The following HNRNPF variants were observed in gnomAD, a reference collection of about 807,000 sequenced individuals.
HNRNPF encodes heterogeneous nuclear ribonucleoprotein F.
In HNRNPF, 2 loss-of-function variants were observed where a neutral mutation model predicts 26.0. The ratio of observed to expected loss-of-function variants is 0.08; its 90% CI spans 0.03 to 0.24. HNRNPF has a LOEUF of 0.24. Among genes scored for constraint, HNRNPF ranks in the 10% least tolerant of loss-of-function variants. The pLI, the probability that HNRNPF is intolerant of heterozygous loss-of-function variation, is 1.00. For missense variants in HNRNPF, 299 were observed against 539.2 expected, an observed-to-expected ratio of 0.55 and a Z score of 4.41; for synonymous variants, 234 against 211.5, an observed-to-expected ratio of 1.11 and a Z score of -0.92.
intron 3 of HNRNPF, among the ~76,000 whole-genome samples, chr10:43,390,675 G>C (rs1838207859): frequency 6.6e-6 from 1 of 152,080 alleles, no homozygotes; most frequent in African/African-American, 2.4e-5. Flanking sequence ...CTTCTTAACT[G>C]TACGCGCCCA....
chr10:43,407,853 A>G (rs1378224503), intron 1 of HNRNPF: 2 of 152,194 alleles, frequency 1.3e-5, no homozygotes, highest in African/African-American at 2.4e-5. Context: ...ACTCCCCACA[A>G]GGAAGTCTTG....
chr10:43,396,001 G>A (rs765422935), intron 2 of HNRNPF, among the ~76,000 whole-genome samples: 64 of 152,146 alleles, frequency 4.2e-4, no homozygotes, highest in Non-Finnish European at 7.2e-4. Flanking sequence ...GGACCCGGAG[G>A]TTTTCAGATC....
intron 1 of HNRNPF, among the ~76,000 whole-genome samples, chr10:43,401,404 C>T (rs1284247477): frequency 6.6e-6 from 1 of 152,046 alleles, no homozygotes; most frequent in Admixed American, 6.6e-5. Flanking sequence ...AAATTCTGAC[C>T]GATCATAAAA....
intron 3 of HNRNPF, among the ~76,000 whole-genome samples, chr10:43,389,310 A>G (rs1838153512): frequency 2.0e-5 from 3 of 152,274 alleles, no homozygotes; most frequent in South Asian, 2.1e-4. Flanking sequence ...TACATCAAGC[A>G]TAATAGATAT....
intron 1 of HNRNPF, chr10:43,408,902 G>T (rs553241262): frequency 1.5e-4 from 23 of 152,444 alleles, no homozygotes; most frequent in African/African-American, 5.0e-4. Flanking sequence ...AGCCTACGAG[G>T]GGCGGGGTCA....
chr10:43,407,639 CAA>C (rs1264694106), intron 1 of HNRNPF: 1 of 145,822 alleles, frequency 6.9e-6, no homozygotes, highest in African/African-American at 2.8e-5. Context: ...TACAAACAAA[CAA>C]AAGGAAAAAA....
intron 1 of HNRNPF, among the ~76,000 whole-genome samples, chr10:43,405,210 AATC>A (rs1197615291): frequency 6.6e-6 from 1 of 152,250 alleles, no homozygotes; most frequent in Non-Finnish European, 1.5e-5. Flanking sequence ...TAATACAATG[AATC>A]ATGTTTCCTT....
At position 43,387,558 on chromosome 10, in the gene HNRNPF, G is replaced by C; in HGVS notation, c.327C>G (p.Asn109Lys). 5.0e-6 allele frequency: 8 copies of C among 1,614,162 alleles called. No homozygotes were observed. Among genetic ancestry groups the C allele is most frequent in the Non-Finnish European group, 6.8e-6 (8 of 1,180,020 alleles). ...HSGPNSADSA[N>K]DGFVRLRGLP... ...GTCCTCGAAGCCGCACGAAGCCATCGTTGGCGCTGTCGGCACTGTTGGGAC... is the reference window on the plus strand; with the variant it reads ...GTCCTCGAAGCCGCACGAAGCCATCCTTGGCGCTGTCGGCACTGTTGGGAC... Residue 109 changes from asparagine (N) to lysine (K), a missense_variant, in exon 4 of 4, where the codon AAC (asparagine) becomes AAG (lysine). Coordinates refer to ENST00000682386, the MANE Select transcript of HNRNPF (RefSeq NM_001098204.2). The surrounding 1 kb of genome is among the most constrained non-coding windows in gnomAD (Gnocchi z 6.0).
chr10:43,400,054 A>T (rs1838704876), intron 1 of HNRNPF, among the ~76,000 whole-genome samples: 1 of 152,188 alleles, frequency 6.6e-6, no homozygotes, highest in Non-Finnish European at 1.5e-5. Flanking sequence ...TGAGGTTTAA[A>T]GTAGAAGCTG....
chr10:43,399,538 G>C (rs1564398079), intron 1 of HNRNPF, among the ~76,000 whole-genome samples: 1 of 152,160 alleles, frequency 6.6e-6, no homozygotes, highest in African/African-American at 2.4e-5. Context: ...GGCCTGGTTT[G>C]GTGTTCAAAG....
chr10:43,393,770 T>G (rs1050092710), intron 3 of HNRNPF, among the ~76,000 whole-genome samples: 6 of 152,066 alleles, frequency 3.9e-5, no homozygotes, highest in African/African-American at 1.4e-4. Context: ...CCTTGCAACT[T>G]TTGCCTGCAA....
intron 1 of HNRNPF, among the ~76,000 whole-genome samples, chr10:43,399,319 C>T (rs1330765548): frequency 1.3e-5 from 2 of 152,224 alleles, no homozygotes; most frequent in African/African-American, 4.8e-5. Context: ...AACTCCTGGG[C>T]TCAACTGATC....
At chr10:43,408,505 T>G (rs573577729) in intron 1 of HNRNPF, among the ~76,000 whole-genome samples, 1 of 152,252 alleles carries the variant, frequency 6.6e-6, no homozygotes, top group African/African-American at 2.4e-5. Flanking sequence ...TTGCGGCGCT[T>G]AAACTCAGAT....
At position 43,399,639 on chromosome 10, in the gene HNRNPF, G is replaced by A. The variant is rs1004317154; in HGVS notation, c.-246-3049C>T. 3.3e-5 allele frequency among the ~76,000 whole-genome samples: 5 copies of A among 152,162 alleles called. No individual in the cohort carries two copies. In the South Asian group the frequency reaches 8.3e-4, roughly 25 times the overall value. ...AGATGCTATCTGGAAAATGAATGGT[G>A]GGAAGAGATACATGGAGACAAGATG... On this transcript the variant is annotated intron_variant, in intron 1 of 3. Coordinates refer to ENST00000682386, the MANE Select transcript of HNRNPF (RefSeq NM_001098204.2).
rs1839025086 is a variant in HNRNPF at position 43,409,160 on chromosome 10, C to A, written c.-276G>T. The A allele has an allele frequency of 6.6e-6, 1 of 152,532 alleles. No individual in the cohort carries two copies. Among genetic ancestry groups the A allele is most frequent in the African/African-American group, 2.4e-5 (1 of 41,468 alleles). 9.4% of individuals were successfully genotyped at this position (152,532 alleles called of 1,614,324 possible). A position where few individuals can be genotyped will look rare whatever the true frequency, so the allele number is the denominator to read the frequency against. The stretch of plus-strand genomic sequence containing the variant: ...AGGAAGACGCGGCGCAGTCCTGCTT[C>A]CACGACGGAGCCGGAAGGACGCAAG... On this transcript the variant is annotated 5_prime_UTR_variant, in exon 1 of 4. Transcript: ENST00000682386.
At chr10:43,388,738 T>C (rs1242141868) in intron 3 of HNRNPF, among the ~76,000 whole-genome samples, 1 of 152,170 alleles carries the variant, frequency 6.6e-6, no homozygotes, top group Non-Finnish European at 1.5e-5. Context: ...GGCTGAGAAA[T>C]GCCCTTCCCA....
chr10:43,398,789 G>A (rs574207525), intron 1 of HNRNPF, among the ~76,000 whole-genome samples: 3 of 152,260 alleles, frequency 2.0e-5, no homozygotes, highest in African/African-American at 7.2e-5. Context: ...GAGTAGCTGG[G>A]ACCACTGGCA....
chr10:43,407,928 T>G (rs1162782673), intron 1 of HNRNPF: 1 of 152,148 alleles, frequency 6.6e-6, no homozygotes, highest in African/African-American at 2.4e-5. Flanking sequence ...GTATTATTAC[T>G]ATTATTACTT....
chr10:43,407,046 CAACCACGTATTTAACTTTTAAAAATAT>C (rs1369906458), intron 1 of HNRNPF, among the ~76,000 whole-genome samples: 16 of 152,106 alleles, frequency 1.1e-4, no homozygotes, highest in African/African-American at 3.9e-4. Context: ...AATTCAGAGA[CAACCACGTATTTAACTTTTAAAAATAT>C]AACTAAGTAG....
Sources: allele counts gnomAD v4.1 joint callset (sites outside exome capture counted in the v4.1 genomes callset), GRCh38; gene constraint gnomAD v4.1.1; non-coding constraint Gnocchi (gnomAD v3.1); transcripts MANE v1.5; gene names NCBI Gene and HGNC (gene_info 2026-07-23, HGNC 2026-07-21).